SEMA3A: variants seen among roughly 807,000 people sequenced by gnomAD.
The protein encoded by SEMA3A is semaphorin 3A, also known as semaphorin-3A.
SEMA3A carries 29 observed loss-of-function variants against 97.9 expected under a neutral mutation model. That is an observed-to-expected ratio of 0.30 (90% CI 0.22 to 0.40). SEMA3A has a LOEUF of 0.40. Ranked by LOEUF, SEMA3A falls within the 10% of genes least tolerant of loss-of-function variation. The pLI is 1.00. For synonymous variants in SEMA3A, 321 were observed against 323.7 expected (o/e 0.99, Z 0.09); for missense variants, 763 against 951.3 (o/e 0.80, Z 2.60).
intron 6 of SEMA3A, among the ~76,000 whole-genome samples, chr7:84,024,685 C>T (rs1055469856): frequency 3.3e-5 from 5 of 152,124 alleles, no homozygotes; most frequent in African/African-American, 1.2e-4. Context: ...TATCTATCTG[C>T]CAATGCCAAG....
At chr7:84,150,072 T>C (rs1296563974) in intron 1 of SEMA3A, among the ~76,000 whole-genome samples, 1 of 152,194 alleles carries the variant, frequency 6.6e-6, no homozygotes, top group African/African-American at 2.4e-5. Context: ...TTGTCATTAA[T>C]CAGTTTTGGA....
At chr7:84,361,103 A>C (rs1802708674) in intron 2 of SEMA3A, among the ~76,000 whole-genome samples, 1 of 152,034 alleles carries the variant, frequency 6.6e-6, no homozygotes, top group Admixed American at 6.6e-5. Context: ...TATAAATTTT[A>C]TTGTGAGAGA....
chr7:83,981,600 T>A lies in SEMA3A; in HGVS notation c.1495-122A>T, dbSNP rs537540376. 18 of 863,008 alleles carry A rather than the reference T, an allele frequency of 2.1e-5. No homozygotes were observed. The South Asian group carries it at 4.3e-4, about 21-fold the overall frequency. 53.5% of individuals were successfully genotyped at this position (863,008 alleles called of 1,614,324 possible). ...ATAAATTAAGGGTTTAAAAAAATCA[T>A]CCCTTTATTGCTAATTTCTTTAAAG... On this transcript the variant is annotated intron_variant, in intron 13 of 16. Transcript: ENST00000265362.
chr7:84,455,348 T>C (rs1350620121), intron 1 of SEMA3A, among the ~76,000 whole-genome samples: 1 of 151,970 alleles, frequency 6.6e-6, no homozygotes, highest in Non-Finnish European at 1.5e-5. Flanking sequence ...TCAATGTTTA[T>C]TTTACAAAGT....
chr7:84,214,865 A>T (rs984218805), intron 3 of SEMA3A, among the ~76,000 whole-genome samples: 8 of 150,340 alleles, frequency 5.3e-5, no homozygotes, highest in Non-Finnish European at 1.2e-4. Context: ...CACCCAGCTA[A>T]TTTTTTTGTA....
chr7:83,965,863 T>C (rs1788675477), intron 15 of SEMA3A, among the ~76,000 whole-genome samples: 2 of 149,840 alleles, frequency 1.3e-5, no homozygotes, highest in Non-Finnish European at 3.0e-5. Flanking sequence ...CGTATTTTAA[T>C]AGAGGCAGGG....
intron 1 of SEMA3A, among the ~76,000 whole-genome samples, chr7:84,150,731 G>A (rs1448119768): frequency 1.3e-5 from 2 of 152,090 alleles, no homozygotes; most frequent in African/African-American, 4.8e-5. Context: ...ACTGGGTGGA[G>A]CCCACCACAG....
intron 1 of SEMA3A, among the ~76,000 whole-genome samples, chr7:84,384,275 A>C (rs976013828): frequency 1.3e-5 from 2 of 152,164 alleles, no homozygotes; most frequent in African/African-American, 2.4e-5. Context: ...TGTGTATTAC[A>C]GTGTCCTAAA....
At chr7:84,352,153 A>G (rs1802452862) in intron 2 of SEMA3A, among the ~76,000 whole-genome samples, 1 of 152,098 alleles carries the variant, frequency 6.6e-6, no homozygotes, top group Non-Finnish European at 1.5e-5. Flanking sequence ...GCATGTTTTT[A>G]CTCACTTGTA....
chr7:84,455,319 A>G (rs1294493505), intron 1 of SEMA3A, among the ~76,000 whole-genome samples: 1 of 151,970 alleles, frequency 6.6e-6, no homozygotes, highest in Non-Finnish European at 1.5e-5. Flanking sequence ...CTTGCAATGC[A>G]TTCTTTTCAA....
At chr7:84,405,766 G>A (rs1324035503) in intron 1 of SEMA3A, among the ~76,000 whole-genome samples, 6 of 152,148 alleles carry the variant, frequency 3.9e-5, no homozygotes, top group African/African-American at 1.2e-4. Context: ...CAACTACATG[G>A]AAACTGAACA....
chr7:84,342,271 G>A (rs1466529286), intron 2 of SEMA3A, among the ~76,000 whole-genome samples: 2 of 152,118 alleles, frequency 1.3e-5, no homozygotes, highest in Admixed American at 6.5e-5. Flanking sequence ...CCGAGCTCAG[G>A]TGATCTGCCT....
upstream of SEMA3A, among the ~76,000 whole-genome samples, chr7:84,199,774 G>A (rs564976526): frequency 2.2e-4 from 33 of 152,020 alleles, no homozygotes; most frequent in South Asian, 5.4e-3. Context: ...TTCTTTAGAC[G>A]ATCAGAAGAC....
chr7:84,355,534 T>TC (rs1440687848), intron 2 of SEMA3A, among the ~76,000 whole-genome samples: 2 of 151,826 alleles, frequency 1.3e-5, no homozygotes, highest in Non-Finnish European at 2.9e-5. Flanking sequence ...TAACTAACAT[T>TC]CACAAGAGTG....
chr7:84,342,880 T>C (rs986101614), intron 2 of SEMA3A, among the ~76,000 whole-genome samples: 14 of 152,310 alleles, frequency 9.2e-5, no homozygotes, highest in Non-Finnish European at 5.9e-5. Flanking sequence ...CAAAGAACAC[T>C]ATAGGCTGTG....
At chr7:84,375,311 T>A (rs368341529) in intron 1 of SEMA3A, among the ~76,000 whole-genome samples, 1 of 152,120 alleles carries the variant, frequency 6.6e-6, no homozygotes, top group African/African-American at 2.4e-5. Context: ...TGAGCCACTG[T>A]GCCTGGCCAG....
intron 1 of SEMA3A, among the ~76,000 whole-genome samples, chr7:84,464,071 GT>G (rs1805931642): frequency 6.6e-6 from 1 of 152,046 alleles, no homozygotes; most frequent in Admixed American, 6.6e-5. Context: ...CATATTCCTA[GT>G]TTTCCTCATC....
chr7:84,444,564 C>CTTT (rs201008229), intron 1 of SEMA3A, among the ~76,000 whole-genome samples: 1 of 138,788 alleles, frequency 7.2e-6, no homozygotes, highest in African/African-American at 2.6e-5. Context: ...TTCTTTTTTT[C>CTTT]TTTTTTTTTT....
At chr7:84,334,624 C>T (rs900112343) in intron 2 of SEMA3A, among the ~76,000 whole-genome samples, 5 of 151,766 alleles carry the variant, frequency 3.3e-5, no homozygotes, top group African/African-American at 1.2e-4. Flanking sequence ...TGTCTTACTT[C>T]CCTATTTCTC....
Sources: allele counts gnomAD v4.1 joint callset (sites outside exome capture counted in the v4.1 genomes callset), GRCh38; gene constraint gnomAD v4.1.1; transcripts MANE v1.5; gene names NCBI Gene and HGNC (gene_info 2026-07-23, HGNC 2026-07-21).